The following TUSC3 variants were observed in gnomAD, a reference collection of about 807,000 sequenced individuals.
TUSC3 encodes tumor suppressor candidate 3.
A neutral mutation model predicts 44.8 loss-of-function variants in TUSC3; 45 were observed. The ratio of observed to expected loss-of-function variants is 1.00; its 90% CI spans 0.79 to 1.29. The LOEUF (loss-of-function observed/expected upper bound fraction) is 1.29, where lower values mean the gene tolerates loss of function less well. Among genes scored for constraint, TUSC3 ranks in the 50% most tolerant of loss-of-function variants. The pLI is 0.00. For missense variants in TUSC3, 519 were observed against 437.9 expected, an observed-to-expected ratio of 1.19 and a Z score of -1.65; for synonymous variants, 212 against 152.9, an observed-to-expected ratio of 1.39 and a Z score of -2.85.
the TUSC3 span, among the ~76,000 whole-genome samples, chr8:15,834,591 T>G: frequency 6.6e-6 from 1 of 152,184 alleles, no homozygotes; most frequent in African/African-American, 2.4e-5. Flanking sequence ...ATATGCCTTT[T>G]TAGCAGCTGG....
intron 2 of TUSC3, among the ~76,000 whole-genome samples, chr8:15,532,269 A>T (rs1801460580): frequency 6.6e-6 from 1 of 152,206 alleles, no homozygotes; most frequent in Non-Finnish European, 1.5e-5. Flanking sequence ...TTTTCTTGAT[A>T]TACATGAACA....
At chr8:15,536,667 G>A (rs919574234), upstream of TUSC3, among the ~76,000 whole-genome samples, 1 of 92,994 alleles carries the variant, frequency 1.1e-5, no homozygotes, top group Admixed American at 1.7e-4. Flanking sequence ...GGGTGACAGA[G>A]CAAGATTCCG....
the TUSC3 span, among the ~76,000 whole-genome samples, chr8:15,851,902 G>A: frequency 6.6e-6 from 1 of 152,094 alleles, no homozygotes; most frequent in South Asian, 2.1e-4. Context: ...CCCCCATACT[G>A]TTCTCGTGGT....
intron 3 of TUSC3, among the ~76,000 whole-genome samples, chr8:15,655,916 A>G (rs961372430): frequency 6.6e-6 from 1 of 152,186 alleles, no homozygotes; most frequent in Non-Finnish European, 1.5e-5. Flanking sequence ...AATAATTAAA[A>G]GTTGTGGTAA....
intron 7 of TUSC3, among the ~76,000 whole-genome samples, chr8:15,737,754 T>C (rs1023464623): frequency 6.6e-6 from 1 of 152,168 alleles, no homozygotes; most frequent in Non-Finnish European, 1.5e-5. Flanking sequence ...GTAGAATCTT[T>C]TCAGATTTGG....
intron 7 of TUSC3, among the ~76,000 whole-genome samples, chr8:15,732,596 T>C (rs542076150): frequency 8.5e-4 from 130 of 152,274 alleles, no homozygotes; most frequent in African/African-American, 3.1e-3. Flanking sequence ...ATAAAATTTA[T>C]CAAAATTCTA....
At chr8:15,528,102 C>A (rs114193307) in intron 2 of TUSC3, among the ~76,000 whole-genome samples, 1 of 152,020 alleles carries the variant, frequency 6.6e-6, no homozygotes, top group Admixed American at 6.6e-5. Context: ...TTGTTGTAAT[C>A]CTTTACCAAT....
intron 6 of TUSC3, among the ~76,000 whole-genome samples, chr8:15,725,697 C>G (rs36124428): frequency 0.25 from 38,730 of 152,016 alleles, 5,416 homozygotes; most frequent in Non-Finnish European, 0.32. Flanking sequence ...ATTATCAATT[C>G]ACTTCTCACA....
At chr8:15,830,919 TA>T in the TUSC3 span, among the ~76,000 whole-genome samples, 1 of 152,142 alleles carries the variant, frequency 6.6e-6, no homozygotes, top group East Asian at 1.9e-4. Flanking sequence ...TTAAAACAAT[TA>T]AAAATTAAAA....
chr8:15,689,176 G>C (rs928192890), intron 6 of TUSC3: 2 of 378,620 alleles, frequency 5.3e-6, no homozygotes, highest in Non-Finnish European at 1.1e-5. Context: ...TCTTGCTTCG[G>C]AGAATAAGCA....
In TUSC3 at chr8:15,642,215, T is replaced by C. The variant is rs372198535; in HGVS notation, c.309-8482T>C. Among the ~76,000 whole-genome samples, 11 of 152,312 alleles carry C rather than the reference T, an allele frequency of 7.2e-5. No individual in the cohort carries two copies. In the East Asian group the frequency reaches 1.5e-3, roughly 21 times the overall value. On this transcript the variant is annotated intron_variant, in intron 2 of 10. Transcript: ENST00000503731. ...TTTGTAGTATCACAAGATAGATCTC[T>C]CTCTATACAATATATAATGCATATA...
intron 9 of TUSC3, among the ~76,000 whole-genome samples, chr8:15,756,201 T>A (rs1811921457): frequency 6.6e-6 from 1 of 152,170 alleles, no homozygotes; most frequent in African/African-American, 2.4e-5. Context: ...TGGTTCCTCT[T>A]AACTAACTTT....
intron 5 of TUSC3, among the ~76,000 whole-genome samples, chr8:15,669,631 A>T (rs979768945): frequency 6.6e-6 from 1 of 151,886 alleles, no homozygotes; most frequent in Admixed American, 6.6e-5. Context: ...ATCATCTTTG[A>T]TACATGCATA....
chr8:15,765,413 C>T lies in TUSC3; in HGVS notation c.*1257C>T, dbSNP rs1488019928. On this transcript the variant is annotated 3_prime_UTR_variant, in exon 11 of 11. Coordinates refer to ENST00000503731, the MANE Select transcript of TUSC3 (RefSeq NM_006765.4). The stretch of plus-strand genomic sequence containing the variant: ...TTTTCATTAAGATTTGAGTAACAGA[C>T]CATGGAGAATTGTTTTCATTGGGAG... 1 of 151,872 alleles carries T rather than the reference C, an allele frequency of 6.6e-6. No homozygotes were observed. The highest frequency in any genetic ancestry group is 1.9e-4 in the East Asian group (1 of 5,182). The allele number at this position is 151,872 out of a possible 1,614,324, so 9.4% of individuals were successfully genotyped here. A position where few individuals can be genotyped will look rare whatever the true frequency, so the allele number is the denominator to read the frequency against.
At chr8:15,612,024 C>T (rs1176592189) in intron 1 of TUSC3, among the ~76,000 whole-genome samples, 2 of 152,106 alleles carry the variant, frequency 1.3e-5, no homozygotes, top group Non-Finnish European at 2.9e-5. Flanking sequence ...TTAGAGACTC[C>T]TTTAAAAATA....
chr8:15,640,833 T>A (rs1408974791), intron 2 of TUSC3, among the ~76,000 whole-genome samples: 1 of 152,130 alleles, frequency 6.6e-6, no homozygotes, highest in Non-Finnish European at 1.5e-5. Flanking sequence ...AGTTCGTAAA[T>A]GTCATGAAGG....
intron 2 of TUSC3, among the ~76,000 whole-genome samples, chr8:15,626,944 G>C (rs1477508117): frequency 6.7e-6 from 1 of 148,400 alleles, no homozygotes; most frequent in African/African-American, 2.5e-5. Context: ...GGGTCCTGAT[G>C]AAACCCCACC....
intron 2 of TUSC3, among the ~76,000 whole-genome samples, chr8:15,516,577 C>G (rs1179226401): frequency 6.6e-6 from 1 of 152,086 alleles, no homozygotes; most frequent in South Asian, 2.1e-4. Context: ...TAAATTGGAA[C>G]TGAAAGCATT....
At chr8:15,717,473 A>C (rs1004862868) in intron 6 of TUSC3, among the ~76,000 whole-genome samples, 3 of 152,054 alleles carry the variant, frequency 2.0e-5, no homozygotes, top group Non-Finnish European at 4.4e-5. Flanking sequence ...AATCATATCT[A>C]TCTCCAGACT....
Sources: allele counts gnomAD v4.1 joint callset (sites outside exome capture counted in the v4.1 genomes callset), GRCh38; gene constraint gnomAD v4.1.1; transcripts MANE v1.5; gene names NCBI Gene and HGNC (gene_info 2026-07-23, HGNC 2026-07-21).